Variants in ZYG11A observed in about 807,000 individuals in gnomAD.
ZYG11A encodes protein zyg-11 homolog A.
ZYG11A carries 62 observed loss-of-function variants against 77.2 expected under a neutral mutation model. The ratio of observed to expected loss-of-function variants is 0.80; its 90% CI spans 0.65 to 0.99. The LOEUF is 0.99. Among genes scored for constraint, ZYG11A ranks in the 50% least tolerant of loss-of-function variants. The probability of loss-of-function intolerance (pLI) is 0.00; values close to 1 mark genes in which losing one functional copy is unlikely to be tolerated. For missense variants in ZYG11A, 828 were observed against 896.8 expected, an observed-to-expected ratio of 0.92 and a Z score of 0.98; for synonymous variants, 315 against 324.6, an observed-to-expected ratio of 0.97 and a Z score of 0.32.
At chr1:52,858,969 T>C (rs1443016189) in intron 3 of ZYG11A, among the ~76,000 whole-genome samples, 1 of 152,158 alleles carries the variant, frequency 6.6e-6, no homozygotes, top group Non-Finnish European at 1.5e-5. Flanking sequence ...CCTTAGTTCT[T>C]CCTAGGGGAA....
intron 3 of ZYG11A, among the ~76,000 whole-genome samples, chr1:52,860,392 A>G (rs989191414): frequency 1.3e-5 from 2 of 152,122 alleles, no homozygotes; most frequent in Admixed American, 6.6e-5. Flanking sequence ...GCATTTATTT[A>G]GATCTTTACT....
intron 8 of ZYG11A, among the ~76,000 whole-genome samples, chr1:52,868,971 G>A (rs1190255098): frequency 6.6e-6 from 1 of 152,078 alleles, no homozygotes; most frequent in Non-Finnish European, 1.5e-5. Context: ...AAAAAGCTGG[G>A]ATTACAGGCA....
chr1:52,877,860 G>A lies in ZYG11A; in HGVS notation c.1704+17G>A, dbSNP rs1400780722. ...GTCTTGGAGGTGGGAAGACAGGATT[G>A]AGTTTATATGTAAAGTTCTTCTCTT... On this transcript the variant is annotated intron_variant, in intron 9 of 13. Transcript: ENST00000371528. 2 of 1,550,962 alleles carry A rather than the reference G, an allele frequency of 1.3e-6. No homozygotes were observed. The highest frequency in any genetic ancestry group is 2.4e-5 in the South Asian group (2 of 83,872).
intron 1 of ZYG11A, among the ~76,000 whole-genome samples, chr1:52,847,876 ATTTATTTT>A (rs1438746048): frequency 3.5e-5 from 4 of 114,672 alleles, no homozygotes; most frequent in South Asian, 2.8e-4. Context: ...TTATTTATTT[ATTTATTTT>A]TTTGAGATGG....
At chr1:52,871,605 T>A (rs978548393) in intron 8 of ZYG11A, among the ~76,000 whole-genome samples, 13 of 152,016 alleles carry the variant, frequency 8.6e-5, no homozygotes, top group Admixed American at 4.6e-4. Context: ...CAAGCGTTTC[T>A]CCTGCCTCAG....
intron 8 of ZYG11A, among the ~76,000 whole-genome samples, chr1:52,871,743 C>T (rs1646170886): frequency 6.6e-6 from 1 of 152,154 alleles, no homozygotes; most frequent in South Asian, 2.1e-4. Context: ...CCTCGGATTT[C>T]TTTTAGTTAT....
intron 1 of ZYG11A, among the ~76,000 whole-genome samples, chr1:52,851,236 G>A (rs572793755): frequency 1.4e-4 from 21 of 151,858 alleles, no homozygotes; most frequent in Non-Finnish European, 2.8e-4. Flanking sequence ...TGTGGAGACG[G>A]GGTTTTGCCA....
At chr1:52,850,961 A>G (rs961605917) in intron 1 of ZYG11A, among the ~76,000 whole-genome samples, 1 of 151,684 alleles carries the variant, frequency 6.6e-6, no homozygotes, top group Non-Finnish European at 1.5e-5. Flanking sequence ...CCTGCTTCTC[A>G]TGTCTGATAT....
intron 1 of ZYG11A, among the ~76,000 whole-genome samples, chr1:52,843,384 G>A (rs1161407087): frequency 6.6e-6 from 1 of 152,108 alleles, no homozygotes; most frequent in Non-Finnish European, 1.5e-5. Context: ...GAACCCAAAC[G>A]CCGCAAACCT....
chr1:52,851,609 A>G (rs1414866231), intron 1 of ZYG11A, among the ~76,000 whole-genome samples: 2 of 151,938 alleles, frequency 1.3e-5, no homozygotes, highest in African/African-American at 2.4e-5. Context: ...CATGTTGGCC[A>G]GGTTGGTCTC....
chr1:52,891,734 G>A lies in ZYG11A; in HGVS notation c.2105-1048G>A, dbSNP rs959281372. ...GCCTCCAACTCTGCAAGCTGAAATT[G>A]AAATGCCTCAATTACTAAGACCGCC... On this transcript the variant is annotated intron_variant, in intron 13 of 13. Coordinates refer to ENST00000371528, the MANE Select transcript of ZYG11A (RefSeq NM_001004339.3). Among the ~76,000 whole-genome samples the A allele has an allele frequency of 2.9e-4, 44 of 151,816 alleles. 1 individual carries two copies. The highest frequency in any genetic ancestry group is 1.0e-3 in the African/African-American group (42 of 41,148).
intron 8 of ZYG11A, among the ~76,000 whole-genome samples, chr1:52,868,839 TTTTCA>T (rs1646080366): frequency 6.6e-6 from 1 of 152,196 alleles, no homozygotes; most frequent in Non-Finnish European, 1.5e-5. Flanking sequence ...TATTTTTTTA[TTTTCA>T]TTTTATTATA....
intron 1 of ZYG11A, among the ~76,000 whole-genome samples, chr1:52,844,126 C>G (rs1645514651): frequency 6.6e-6 from 1 of 152,170 alleles, no homozygotes; most frequent in Non-Finnish European, 1.5e-5. Flanking sequence ...CTCAGGTGTT[C>G]AGACCTCTGG....
In ZYG11A at chr1:52,877,480, AT is replaced by A. The variant is rs980982360; in HGVS notation, c.1543-194del. 8.5e-5 allele frequency among the ~76,000 whole-genome samples: 13 copies of A among 152,108 alleles called. No homozygotes were observed. In the East Asian group the frequency reaches 2.3e-3, roughly 27 times the overall value. On this transcript the variant is annotated intron_variant, in intron 8 of 13. Transcript: ENST00000371528. ...TGGACTAAGTGCTCACTAAACTTAA[AT>A]TTTTTTTCATTTAATCCTCACAAAA...
chr1:52,854,396 A>G, intron 1 of ZYG11A, 69 bp from the exon 2 acceptor site: 1 of 1,412,234 alleles, frequency 7.1e-7, no homozygotes, highest in Admixed American at 2.2e-5. Flanking sequence ...TAGGTATGGC[A>G]TGACCAGTTT....
At chr1:52,851,130 G>T (rs1645702172) in intron 1 of ZYG11A, among the ~76,000 whole-genome samples, 1 of 151,608 alleles carries the variant, frequency 6.6e-6, no homozygotes, top group African/African-American at 2.4e-5. Context: ...CTGCAGCCTT[G>T]ACCTCCTGGG....
intron 11 of ZYG11A, 148 bp downstream of exon 11, chr1:52,881,813 A>G: frequency 1.7e-6 from 1 of 593,758 alleles, no homozygotes; most frequent in Non-Finnish European, 2.8e-6. Flanking sequence ...ATCCAAAACT[A>G]TCTCTGTTAA....
chr1:52,890,481 G>A (rs749996029), intron 13 of ZYG11A, among the ~76,000 whole-genome samples: 3 of 151,602 alleles, frequency 2.0e-5, no homozygotes, highest in East Asian at 1.9e-4. Context: ...TTAGATGTTC[G>A]CCTCAGCCTC....
rs1249775648 is a variant in ZYG11A, at chr1:52,864,020, C to T, written c.1189C>T (p.Arg397Ter). Residue 397 changes from arginine (R) to a stop codon, truncating the protein, a stop_gained, in exon 5 of 14, where the codon CGA becomes TGA. Transcript: ENST00000371528. LOFTEE classifies it high-confidence loss of function. ...IGMRNHPLDL[R>*]VQFTASACAL... Reference sequence around the variant, plus strand: ...AATGAGGAATCACCCATTGGATTTGCGAGTGCAGTTCACAGCCAGTGCTTG... The same window carrying T: ...AATGAGGAATCACCCATTGGATTTGTGAGTGCAGTTCACAGCCAGTGCTTG... The T allele has an allele frequency of 2.6e-6, 4 of 1,551,384 alleles. No individual in the cohort carries two copies. Among genetic ancestry groups the T allele is most frequent in the African/African-American group, 2.7e-5 (2 of 73,052 alleles).
Sources: allele counts gnomAD v4.1 joint callset (sites outside exome capture counted in the v4.1 genomes callset), GRCh38; gene constraint gnomAD v4.1.1; transcripts MANE v1.5; gene names NCBI Gene and HGNC (gene_info 2026-07-23, HGNC 2026-07-21).